SLC25A26: variants seen among roughly 807,000 people sequenced by gnomAD.
SLC25A26 encodes solute carrier family 25 member 26, also known as mitochondrial S-adenosylmethionine carrier protein.
Under a neutral mutation model 37.8 loss-of-function variants are expected in SLC25A26, and 36 were observed. The observed-to-expected ratio is 0.95, with a 90% confidence interval of 0.73 to 1.26. The LOEUF is 1.26. Ranked by LOEUF, SLC25A26 falls within the 50% of genes most tolerant of loss-of-function variation. The pLI is 0.00. For synonymous variants in SLC25A26, 129 were observed against 122.5 expected (o/e 1.05, Z -0.35); for missense variants, 390 against 331.1 (o/e 1.18, Z -1.38).
At chr3:66,302,257 G>A (rs112774175) in intron 5 of SLC25A26, among the ~76,000 whole-genome samples, 9 of 152,304 alleles carry the variant, frequency 5.9e-5, no homozygotes, top group African/African-American at 1.7e-4. Flanking sequence ...GGCCCAAAAT[G>A]TTGGACTCAA....
At chr3:66,255,028 T>C (rs1165591126) in intron 3 of SLC25A26, among the ~76,000 whole-genome samples, 2 of 151,900 alleles carry the variant, frequency 1.3e-5, no homozygotes, top group Non-Finnish European at 1.5e-5. Flanking sequence ...GAACCAGGGG[T>C]TTTAGCAGCA....
chr3:66,362,731 A>T (rs369426766), intron 6 of SLC25A26, 129 bp from the exon 7 acceptor site: 2 of 534,420 alleles, frequency 3.7e-6, no homozygotes, highest in Middle Eastern at 3.3e-4. Flanking sequence ...AAAGTCACTT[A>T]TGTCATCAGT....
At chr3:66,163,142 C>A (rs968097109) in intron 1 of SLC25A26, among the ~76,000 whole-genome samples, 3 of 152,176 alleles carry the variant, frequency 2.0e-5, no homozygotes, top group Non-Finnish European at 2.9e-5. Context: ...AGGAAAAAAG[C>A]TGCTATTTGA....
chr3:66,317,839 C>T (rs1387097753), intron 5 of SLC25A26, among the ~76,000 whole-genome samples: 2 of 152,186 alleles, frequency 1.3e-5, no homozygotes, highest in African/African-American at 4.8e-5. Context: ...GAGGCACTAC[C>T]CAGTGAGGAG....
intron 5 of SLC25A26, among the ~76,000 whole-genome samples, chr3:66,279,660 A>T (rs2074272335): frequency 6.6e-6 from 1 of 152,164 alleles, no homozygotes; most frequent in African/African-American, 2.4e-5. Context: ...TATAGTAGGA[A>T]GGAATTATGT....
intron 5 of SLC25A26, among the ~76,000 whole-genome samples, chr3:66,299,338 G>A (rs1386539500): frequency 6.6e-6 from 1 of 152,096 alleles, no homozygotes; most frequent in Admixed American, 6.6e-5. Flanking sequence ...GACTACAGAT[G>A]TGTGCCACCA....
At chr3:66,344,463 A>C (rs2076275904) in intron 5 of SLC25A26, among the ~76,000 whole-genome samples, 1 of 145,956 alleles carries the variant, frequency 6.9e-6, no homozygotes, top group South Asian at 2.1e-4. Flanking sequence ...ACTCTGTCTC[A>C]AAAAAAAAAA....
At chr3:66,286,911 A>G (rs1290284815) in intron 5 of SLC25A26, among the ~76,000 whole-genome samples, 1 of 151,990 alleles carries the variant, frequency 6.6e-6, no homozygotes, top group Non-Finnish European at 1.5e-5. Context: ...GATCTGCCCA[A>G]CACAGCCTCC....
intron 1 of SLC25A26, among the ~76,000 whole-genome samples, chr3:66,158,642 G>A (rs1257515624): frequency 6.6e-6 from 1 of 152,226 alleles, no homozygotes; most frequent in Non-Finnish European, 1.5e-5. Context: ...GTTATGGGCT[G>A]GTTATTCACG....
At chr3:66,190,513 C>T (rs2070920090) in intron 1 of SLC25A26, among the ~76,000 whole-genome samples, 5 of 152,186 alleles carry the variant, frequency 3.3e-5, no homozygotes, top group Non-Finnish European at 5.9e-5. Context: ...ACTACAACCT[C>T]TGCCTCCTGG....
chr3:66,167,706 T>C (rs2070443403), intron 1 of SLC25A26, among the ~76,000 whole-genome samples: 1 of 152,236 alleles, frequency 6.6e-6, no homozygotes, highest in African/African-American at 2.4e-5. Context: ...TTTCATTCAA[T>C]TCTGTCCTGC....
At chr3:66,259,131 G>C (rs2073421651) in intron 3 of SLC25A26, among the ~76,000 whole-genome samples, 1 of 152,102 alleles carries the variant, frequency 6.6e-6, no homozygotes, top group African/African-American at 2.4e-5. Context: ...TAACTGGGAA[G>C]CCCCCCACAC....
chr3:66,148,201 A>G lies in SLC25A26; in HGVS notation c.-354+14217A>G, dbSNP rs146787425. Among the ~76,000 whole-genome samples the G allele has an allele frequency of 3.8e-3, 581 of 152,332 alleles. 6 individuals are homozygous for G. Among genetic ancestry groups the G allele is most frequent in the African/African-American group, 0.013 (553 of 41,568 alleles). On this transcript the variant is annotated intron_variant, in intron 1 of 10. Coordinates refer to the SLC25A26 transcript ENST00000676754. ...TCATTTGTATATCTTCTTTTGAGAA[A>G]TGTCTATTCATTTCCTTTGCCCACT...
intron 1 of SLC25A26, among the ~76,000 whole-genome samples, chr3:66,199,444 G>A (rs1559573362): frequency 6.6e-6 from 1 of 151,822 alleles, no homozygotes; most frequent in South Asian, 2.1e-4. Flanking sequence ...CCCTGACACT[G>A]ACTTTCAGCC....
At chr3:66,205,402 T>G (rs2071163401) in intron 1 of SLC25A26, among the ~76,000 whole-genome samples, 1 of 152,168 alleles carries the variant, frequency 6.6e-6, no homozygotes, top group Admixed American at 6.5e-5. Flanking sequence ...ATCTTAAGTT[T>G]TTGAGTCTAG....
chr3:66,264,442 G>A (rs138874597), intron 5 of SLC25A26, among the ~76,000 whole-genome samples: 13 of 152,326 alleles, frequency 8.5e-5, no homozygotes, highest in African/African-American at 3.1e-4. Context: ...TCTGTGGCCT[G>A]TTAGGAACTG....
intron 5 of SLC25A26, among the ~76,000 whole-genome samples, chr3:66,284,139 G>A (rs1470248838): frequency 6.6e-6 from 1 of 152,160 alleles, no homozygotes; most frequent in African/African-American, 2.4e-5. Context: ...TTGAGCCCAG[G>A]AGTTTGAGAC....
At chr3:66,270,966 C>T (rs762282460) in intron 5 of SLC25A26, among the ~76,000 whole-genome samples, 3 of 152,128 alleles carry the variant, frequency 2.0e-5, no homozygotes, top group Non-Finnish European at 2.9e-5. Flanking sequence ...TCCATTGTTG[C>T]ATGTTGGCCA....
intron 5 of SLC25A26, among the ~76,000 whole-genome samples, chr3:66,312,965 C>CTGTTTGTT (rs758323579): frequency 1.3e-5 from 2 of 151,978 alleles, no homozygotes; most frequent in African/African-American, 4.8e-5. Flanking sequence ...CCAGATCCCC[C>CTGTTTGTT]TGTTTGTTTG....
Sources: gnomAD v4.1 joint callset for allele counts (sites outside exome capture counted in the v4.1 genomes callset) on GRCh38, gnomAD v4.1.1 for gene constraint, MANE v1.5 for transcripts, NCBI Gene and HGNC (gene_info 2026-07-23, HGNC 2026-07-21) for gene names.